Variants in RAD51B observed in about 807,000 individuals in gnomAD.
The protein encoded by RAD51B is RAD51 paralog B.
A neutral mutation model predicts 42.2 loss-of-function variants in RAD51B; 38 were observed. The ratio of observed to expected loss-of-function variants is 0.90; its 90% CI spans 0.70 to 1.18. RAD51B has a LOEUF of 1.18. RAD51B is among the 50% of genes most tolerant of loss of function. The pLI is 0.00. For missense variants in RAD51B, 373 were observed against 400.7 expected (o/e 0.93, Z 0.59); for synonymous variants, 154 against 145.2 (o/e 1.06, Z -0.43).
chr14:68,336,502 G>C (rs1269711793), intron 8 of RAD51B, among the ~76,000 whole-genome samples: 1 of 152,166 alleles, frequency 6.6e-6, no homozygotes, highest in African/African-American at 2.4e-5. Flanking sequence ...AGAAATAAAG[G>C]ACTGAGTCCC....
chr14:67,986,627 G>A (rs1291631865), intron 7 of RAD51B, among the ~76,000 whole-genome samples: 1 of 152,012 alleles, frequency 6.6e-6, no homozygotes, highest in African/African-American at 2.4e-5. Context: ...CTCAAGATTG[G>A]GAATATCTTC....
chr14:68,672,934 A>AC (rs1407483353), intron 11 of RAD51B, among the ~76,000 whole-genome samples: 111 of 152,318 alleles, frequency 7.3e-4, no homozygotes, highest in Middle Eastern at 3.4e-3. Flanking sequence ...AGAACACAGT[A>AC]CCTCATGCAT....
intron 7 of RAD51B, among the ~76,000 whole-genome samples, chr14:68,171,284 C>T (rs2078866470): frequency 6.6e-6 from 1 of 152,046 alleles, no homozygotes; most frequent in South Asian, 2.1e-4. Context: ...ACTACAGCGT[C>T]CTATTTTTTT....
At chr14:67,840,806 CTT>C (rs139189527) in intron 4 of RAD51B, among the ~76,000 whole-genome samples, 93 of 145,060 alleles carry the variant, frequency 6.4e-4, no homozygotes, top group Middle Eastern at 3.6e-3. Flanking sequence ...TATTTTTTGA[CTT>C]TTTTTTTTTT....
At chr14:68,403,494 C>T (rs2084176856) in intron 8 of RAD51B, among the ~76,000 whole-genome samples, 1 of 152,102 alleles carries the variant, frequency 6.6e-6, no homozygotes, top group African/African-American at 2.4e-5. Context: ...TTCCAACAGG[C>T]CTCTTCTAAA....
chr14:68,526,270 A>C (rs1364866865), intron 10 of RAD51B, among the ~76,000 whole-genome samples: 28 of 152,212 alleles, frequency 1.8e-4, no homozygotes, highest in Non-Finnish European at 2.9e-5. Flanking sequence ...ACATATAGTC[A>C]TGTGCCACAT....
At chr14:68,589,713 G>A (rs940093790) in intron 10 of RAD51B, among the ~76,000 whole-genome samples, 2 of 152,176 alleles carry the variant, frequency 1.3e-5, no homozygotes, top group African/African-American at 4.8e-5. Flanking sequence ...TTCAACAGAT[G>A]TTTCTGCTTA....
intron 10 of RAD51B, among the ~76,000 whole-genome samples, chr14:68,561,604 G>A (rs1168075357): frequency 6.6e-6 from 1 of 152,216 alleles, no homozygotes; most frequent in East Asian, 1.9e-4. Context: ...AGGAAGGCAA[G>A]TTCCCCGTGT....
intron 7 of RAD51B, among the ~76,000 whole-genome samples, chr14:68,111,022 T>C (rs1309229094): frequency 6.6e-6 from 1 of 152,082 alleles, no homozygotes; most frequent in African/African-American, 2.4e-5. Flanking sequence ...ATTTATTTAG[T>C]GAGAATGTGG....
chr14:67,951,471 C>T (rs375410997), intron 7 of RAD51B, among the ~76,000 whole-genome samples: 2 of 151,978 alleles, frequency 1.3e-5, no homozygotes, highest in East Asian at 3.9e-4. Flanking sequence ...AATGTAGTAC[C>T]CATTTTTTCC....
chr14:68,272,132 A>T (rs2081115614), intron 7 of RAD51B, among the ~76,000 whole-genome samples: 1 of 152,276 alleles, frequency 6.6e-6, no homozygotes, highest in South Asian at 2.1e-4. Context: ...CCACGTGATC[A>T]CTGTGGGGGC....
intron 8 of RAD51B, among the ~76,000 whole-genome samples, chr14:68,371,856 A>G (rs771786124): frequency 5.9e-5 from 9 of 152,280 alleles, no homozygotes; most frequent in Non-Finnish European, 1.3e-4. Context: ...GTCTCAAAAA[A>G]TAAATAAATA....
chr14:68,668,916 T>A (rs1475356738), intron 11 of RAD51B, among the ~76,000 whole-genome samples: 2 of 152,250 alleles, frequency 1.3e-5, no homozygotes, highest in Non-Finnish European at 1.5e-5. Context: ...AAGATGGGTT[T>A]TCCCGAAAGA....
chr14:67,983,547 T>A (rs2075131985), intron 7 of RAD51B, among the ~76,000 whole-genome samples: 1 of 152,194 alleles, frequency 6.6e-6, no homozygotes, highest in African/African-American at 2.4e-5. Context: ...ATTTTCTCAC[T>A]GCAAAATATT....
intron 7 of RAD51B, among the ~76,000 whole-genome samples, chr14:68,194,138 G>T (rs910982656): frequency 6.6e-6 from 1 of 152,204 alleles, no homozygotes; most frequent in Non-Finnish European, 1.5e-5. Flanking sequence ...CATCATAGTT[G>T]CAAGTATAAC....
intron 7 of RAD51B, among the ~76,000 whole-genome samples, chr14:68,050,988 A>T (rs1260199026): frequency 6.6e-6 from 1 of 151,752 alleles, no homozygotes; most frequent in East Asian, 1.9e-4. Flanking sequence ...ATTTGATTGG[A>T]TGAGCAGATA....
At chr14:68,378,565 A>G (rs1353795756) in intron 8 of RAD51B, among the ~76,000 whole-genome samples, 1 of 152,160 alleles carries the variant, frequency 6.6e-6, no homozygotes, top group Non-Finnish European at 1.5e-5. Flanking sequence ...ACATCCTCCC[A>G]TATACTTTAA....
At chr14:68,174,902 C>G (rs2078935774) in intron 7 of RAD51B, among the ~76,000 whole-genome samples, 1 of 152,160 alleles carries the variant, frequency 6.6e-6, no homozygotes, top group African/African-American at 2.4e-5. Flanking sequence ...CTCAGTGGCA[C>G]AATCCACATC....
chr14:68,447,224 A>AAAT (rs1228779873), intron 9 of RAD51B, among the ~76,000 whole-genome samples: 1 of 152,094 alleles, frequency 6.6e-6, no homozygotes, highest in African/African-American at 2.4e-5. Context: ...ATCTCAATAA[A>AAAT]AATAATAATA....
Sources: gnomAD v4.1 joint callset for allele counts (sites outside exome capture counted in the v4.1 genomes callset) on GRCh38, gnomAD v4.1.1 for gene constraint, MANE v1.5 for transcripts, NCBI Gene and HGNC (gene_info 2026-07-23, HGNC 2026-07-21) for gene names.